Variants in NFIA observed in about 807,000 individuals in gnomAD.
The protein encoded by NFIA is nuclear factor 1 A-type.
Under a neutral mutation model 62.8 loss-of-function variants are expected in NFIA, and 8 were observed. The observed-to-expected ratio is 0.13, with a 90% confidence interval of 0.07 to 0.23. The LOEUF (loss-of-function observed/expected upper bound fraction) is 0.23. Ranked by LOEUF, NFIA falls within the 10% of genes least tolerant of loss-of-function variation. NFIA has a pLI of 1.00. For missense variants in NFIA, 410 were observed against 642.1 expected (o/e 0.64, Z 3.91); for synonymous variants, 235 against 238.1 (o/e 0.99, Z 0.12).
Position 61,129,433 on chromosome 1 carries a change from G to A in NFIA, c.559+40753G>A, listed in dbSNP as rs544088589. 4.5e-4 allele frequency among the ~76,000 whole-genome samples: 65 copies of A among 145,516 alleles called. 1 individual carries two copies. Among genetic ancestry groups the A allele is most frequent in the Non-Finnish European group, 4.8e-4 (32 of 67,194 alleles). On this transcript the variant is annotated intron_variant, in intron 2 of 10. Coordinates refer to ENST00000403491, the MANE Select transcript of NFIA (RefSeq NM_001134673.4). ...ACATATGCACAGAATGACAATAGTC[G>A]TGATACTTTCTTTATTCTTTTTTTT...
At position 61,106,133 on chromosome 1, in the gene NFIA, A is replaced by G. The variant is rs1297555610; in HGVS notation, c.559+17453A>G. On this transcript the variant is annotated intron_variant, in intron 2 of 10. Coordinates refer to ENST00000403491, the MANE Select transcript of NFIA (RefSeq NM_001134673.4). ...TATCTATCTATCTATCTATCTATCT[A>G]TATCTTACTGATTTATTCATATATA... 2.0e-5 allele frequency among the ~76,000 whole-genome samples: 3 copies of G among 150,530 alleles called. No individual in the cohort carries two copies. In the East Asian group the frequency reaches 5.9e-4, roughly 29 times the overall value.
intron 2 of NFIA, among the ~76,000 whole-genome samples, chr1:61,185,660 C>G (rs1052844667): frequency 4.2e-5 from 6 of 143,130 alleles, no homozygotes; most frequent in African/African-American, 1.3e-4. Flanking sequence ...TTTTTTTAAC[C>G]GTGACTCCTT....
chr1:61,139,878 C>CAAAAAAAA (rs35520094), intron 2 of NFIA, among the ~76,000 whole-genome samples: 1 of 74,150 alleles, frequency 1.3e-5, no homozygotes, highest in Admixed American at 1.4e-4. Flanking sequence ...GGGAATTTAC[C>CAAAAAAAA]AAAAAAAAAA....
At chr1:61,187,885 C>T (rs767584816) in intron 2 of NFIA, among the ~76,000 whole-genome samples, 1 of 152,134 alleles carries the variant, frequency 6.6e-6, no homozygotes, top group East Asian at 1.9e-4. Flanking sequence ...CTGTGCCCTC[C>T]TTCTCCACAG....
At chr1:61,219,463 C>A (rs1653864139) in intron 2 of NFIA, among the ~76,000 whole-genome samples, 1 of 151,914 alleles carries the variant, frequency 6.6e-6, no homozygotes, top group South Asian at 2.1e-4. Flanking sequence ...ACCTGTAATC[C>A]CAACACTTTA....
chr1:61,308,728 T>C lies in NFIA; in HGVS notation c.626-23784T>C, dbSNP rs542351188. 1.2e-4 allele frequency among the ~76,000 whole-genome samples: 18 copies of C among 152,350 alleles called. No homozygotes were observed. In the South Asian group the frequency reaches 3.7e-3, roughly 32 times the overall value. The stretch of plus-strand genomic sequence containing the variant: ...TTTTCTCAGGAAGCAAAGAAGTTAG[T>C]ACCTAACTTTCAGATTTCTTTGCAG... On this transcript the variant is annotated intron_variant, in intron 3 of 10. Transcript: ENST00000403491.
At chr1:61,114,453 C>T (rs924904342) in intron 2 of NFIA, among the ~76,000 whole-genome samples, 1 of 152,164 alleles carries the variant, frequency 6.6e-6, no homozygotes, top group African/African-American at 2.4e-5. Flanking sequence ...TGTACCACTG[C>T]ACTCCAGCCT....
intron 3 of NFIA, among the ~76,000 whole-genome samples, chr1:61,290,908 C>G (rs531543524): frequency 6.6e-6 from 1 of 152,206 alleles, no homozygotes; most frequent in East Asian, 1.9e-4. Flanking sequence ...CTCATGGGTT[C>G]TCTTATACTT....
intron 7 of NFIA, among the ~76,000 whole-genome samples, chr1:61,394,936 A>G (rs1396926979): frequency 6.6e-6 from 1 of 152,130 alleles, no homozygotes; most frequent in African/African-American, 2.4e-5. Flanking sequence ...ATGAAACCCC[A>G]TCTCTACTAA....
chr1:61,138,371 C>T lies in NFIA; in HGVS notation c.559+49691C>T, dbSNP rs548584816. Among the ~76,000 whole-genome samples, 7 of 152,160 alleles carry T rather than the reference C, an allele frequency of 4.6e-5. No homozygotes were observed. In the South Asian group the frequency reaches 6.2e-4, roughly 14 times the overall value. On this transcript the variant is annotated intron_variant, in intron 2 of 10. Coordinates refer to ENST00000403491, the MANE Select transcript of NFIA (RefSeq NM_001134673.4). ...TTAGCTTCCCAAAGTATTGGAATTA[C>T]AGGCATGAGCCACTGCTCTGGCCAA... is the stretch of plus-strand genomic sequence containing the variant.
chr1:61,367,773 G>C (rs189327972), intron 6 of NFIA, among the ~76,000 whole-genome samples: 268 of 152,214 alleles, frequency 1.8e-3, no homozygotes, highest in Non-Finnish European at 3.1e-3. Flanking sequence ...ACCTCTTAGA[G>C]GAAAAGAAAT....
At chr1:61,240,419 A>G (rs1259217589) in intron 2 of NFIA, among the ~76,000 whole-genome samples, 1 of 152,062 alleles carries the variant, frequency 6.6e-6, no homozygotes, top group Admixed American at 6.6e-5. Flanking sequence ...ACAAGATTCA[A>G]AATTCTTTAG....
intron 9 of NFIA, among the ~76,000 whole-genome samples, chr1:61,414,261 G>C (rs984815945): frequency 6.6e-6 from 1 of 152,188 alleles, no homozygotes; most frequent in Non-Finnish European, 1.5e-5. Flanking sequence ...GGGATTATAG[G>C]CATTAGCCAC....
rs536784562 is a variant in NFIA at position 61,154,716 on chromosome 1, C to T, written c.559+66036C>T. 7.2e-5 allele frequency among the ~76,000 whole-genome samples: 11 copies of T among 152,284 alleles called. No homozygotes were observed. The South Asian group carries it at 1.7e-3, about 23-fold the overall frequency. On this transcript the variant is annotated intron_variant, in intron 2 of 10. Transcript: ENST00000403491. ...ATCCACCTGCCTCACCCTCCCCAAG[C>T]GTTGAGACTACAGGCAGTGAGCCAC...
At chr1:61,329,386 T>C (rs1026282751) in intron 3 of NFIA, among the ~76,000 whole-genome samples, 4 of 149,050 alleles carry the variant, frequency 2.7e-5, no homozygotes, top group Non-Finnish European at 6.0e-5. Flanking sequence ...AAGTAATTTT[T>C]TTTTTTTTTT....
chr1:61,392,056 C>T (rs1195249772), intron 7 of NFIA, among the ~76,000 whole-genome samples: 1 of 152,124 alleles, frequency 6.6e-6, no homozygotes, highest in Admixed American at 6.5e-5. Flanking sequence ...AAATGCAGGC[C>T]TCATAGACCT....
intron 6 of NFIA, among the ~76,000 whole-genome samples, chr1:61,382,268 C>T (rs1056409948): frequency 6.6e-6 from 1 of 152,144 alleles, no homozygotes. Flanking sequence ...ATTACAAATC[C>T]AGTAATTACA....
chr1:61,415,948 T>G (rs576598879), intron 9 of NFIA, among the ~76,000 whole-genome samples: 1 of 152,250 alleles, frequency 6.6e-6, no homozygotes, highest in Admixed American at 6.5e-5. Context: ...CAACTGAGTA[T>G]TGTACATTAG....
chr1:61,223,481 A>T (rs1160222844), intron 2 of NFIA, among the ~76,000 whole-genome samples: 1 of 152,086 alleles, frequency 6.6e-6, no homozygotes, highest in Non-Finnish European at 1.5e-5. Context: ...ACAGTTTTTC[A>T]GGTTTCATAA....
Sources: allele counts gnomAD v4.1 joint callset (sites outside exome capture counted in the v4.1 genomes callset), GRCh38; gene constraint gnomAD v4.1.1; transcripts MANE v1.5; gene names NCBI Gene and HGNC (gene_info 2026-07-23, HGNC 2026-07-21).